AKAP8: variants seen among roughly 807,000 people sequenced by gnomAD.
AKAP8 encodes the protein A-kinase anchoring protein 8.
In AKAP8, 24 loss-of-function variants were observed where a neutral mutation model predicts 67.5. That is an observed-to-expected ratio of 0.36 (90% CI 0.26 to 0.50). AKAP8 has a LOEUF of 0.50. Among genes scored for constraint, AKAP8 ranks in the 20% least tolerant of loss-of-function variants. The pLI, the probability that AKAP8 is intolerant of heterozygous loss-of-function variation, is 0.97. For synonymous variants in AKAP8, 400 were observed against 371.1 expected (o/e 1.08, Z -0.90); for missense variants, 971 against 955.9 (o/e 1.02, Z -0.21).
chr19:15,360,228 C>A (rs1186490416), intron 12 of AKAP8, among the ~76,000 whole-genome samples: 1 of 152,130 alleles, frequency 6.6e-6, no homozygotes, highest in African/African-American at 2.4e-5. Flanking sequence ...CAGCTCTTGA[C>A]CTCCCCATTT....
rs375658740 is a variant in AKAP8 at position 15,373,228 on chromosome 19, G to A, written c.484C>T (p.Arg162Cys). 5.8e-5 allele frequency: 94 copies of A among 1,613,996 alleles called. No individual in the cohort carries two copies. The highest frequency in any genetic ancestry group is 1.3e-4 in the African/African-American group (10 of 75,062). Residue 162 changes from arginine (R) to cysteine (C), a missense_variant, in exon 5 of 14, where the codon CGC becomes TGC. Arg to Cys is a radical substitution (Grantham distance 180). This residue lies in a region of AKAP8 where 763 missense variants were observed against 745.4 expected (regional missense o/e 1.02). Transcript: ENST00000269701. ...YDYEFDLGSD[R>C]NGSFGGQYSE... ...TACTGCCCCCCAAAGCTGCCATTGC[G>A]GTCGGACCCCAGGTCGAACTCATAG...
rs187825497 is a variant in AKAP8, at chr19:15,366,191, G to T, written c.1160+2044C>A. Among the ~76,000 whole-genome samples the T allele has an allele frequency of 4.7e-4, 42 of 88,424 alleles. 1 individual carries two copies. The East Asian group carries it at 0.018, about 38-fold the overall frequency. 58.0% of individuals were successfully genotyped at this position (88,424 alleles called of 152,430 possible). ...AAGCAAAAAGTAGTAAAAAAAAAAT[G>T]TCATCTCTATACCCTTCTCCCAGTA... On this transcript the variant is annotated intron_variant, in intron 9 of 13. Coordinates refer to ENST00000269701, the MANE Select transcript of AKAP8 (RefSeq NM_005858.4).
intron 11 of AKAP8, 183 bp downstream of exon 11, chr19:15,361,546 G>GT (rs1360975601): frequency 1.9e-6 from 1 of 531,424 alleles, no homozygotes; most frequent in African/African-American, 2.0e-5. Flanking sequence ...TAGAGACGGG[G>GT]TTTCACCGTG....
intron 13 of AKAP8, among the ~76,000 whole-genome samples, chr19:15,357,061 C>T (rs1197087477): frequency 2.0e-5 from 3 of 152,056 alleles, no homozygotes; most frequent in Admixed American, 1.3e-4. Context: ...CGGATTCAAG[C>T]AATTCACTGC....
chr19:15,379,501 G>A (rs887468071), intron 1 of AKAP8: 4 of 497,966 alleles, frequency 8.0e-6, no homozygotes, highest in East Asian at 7.3e-5. Flanking sequence ...CGCCTCCTCG[G>A]GGCCTGGCGG....
At position 15,354,973 on chromosome 19, in the gene AKAP8, G is replaced by A. The variant is rs560315178; in HGVS notation, c.2021C>T (p.Ala674Val). ...QTRVAPAPAAADAEVEQTDAE... is the reference protein window; with the variant it reads ...QTRVAPAPAAVDAEVEQTDAE... Reference sequence around the variant, plus strand: ...ATCAGTTTGTTCCACTTCAGCATCCGCGGCAGCTGGGGCAGGAGCAACTCT... The same window carrying A: ...ATCAGTTTGTTCCACTTCAGCATCCACGGCAGCTGGGGCAGGAGCAACTCT... The change falls in exon 14 of 14, where the codon GCG (alanine) becomes GTG (valine). Residue 674 changes from alanine (A) to valine (V), a missense_variant. Physicochemically the swap from Ala to Val is moderately conservative, Grantham distance 64 (BLOSUM62 0). Around this residue, in one of 3 missense-constraint regions of AKAP8, gnomAD observed 204 missense variants for 193.0 expected, o/e 1.06. Transcript: ENST00000269701. The A allele has an allele frequency of 8.7e-6, 14 of 1,614,160 alleles. No homozygotes were observed. The highest frequency in any genetic ancestry group is 1.6e-4 in the Middle Eastern group (1 of 6,062).
Position 15,374,081 on chromosome 19 carries a change from G to A in AKAP8, c.92-16C>T, listed in dbSNP as rs773298242. Reference sequence around the variant, plus strand: ...TTTTCATAACCTGTCACAGGGGGAGGAGCCAAGTCAGACTTCAGCAGCCAC... The same window carrying A: ...TTTTCATAACCTGTCACAGGGGGAGAAGCCAAGTCAGACTTCAGCAGCCAC... On this transcript the variant is annotated splice_polypyrimidine_tract_variant and intron_variant, in intron 3 of 13. Coordinates refer to ENST00000269701, the MANE Select transcript of AKAP8 (RefSeq NM_005858.4). The A allele has an allele frequency of 2.6e-6, 4 of 1,533,254 alleles. No homozygotes were observed. Among genetic ancestry groups the A allele is most frequent in the East Asian group, 4.5e-5 (2 of 44,238 alleles). The allele number at this position is 1,533,254 out of a possible 1,614,324, so 95.0% of individuals were successfully genotyped here. A position where few individuals can be genotyped will look rare whatever the true frequency, so the allele number is the denominator to read the frequency against.
chr19:15,372,761 A>G, intron 5 of AKAP8, 90 bp downstream of exon 5: 2 of 1,422,094 alleles, frequency 1.4e-6, no homozygotes, highest in Middle Eastern at 1.8e-4. Flanking sequence ...AAAAACATTT[A>G]AGTGAATGTT....
At chr19:15,379,455 C>T in intron 1 of AKAP8, 2 of 457,670 alleles carry the variant, frequency 4.4e-6, no homozygotes, top group Middle Eastern at 5.6e-4. Context: ...CCCCACGAAG[C>T]CCACCGCGGC....
intron 1 of AKAP8, chr19:15,379,496 C>T (rs1259165145): frequency 2.0e-6 from 1 of 497,206 alleles, no homozygotes; most frequent in Non-Finnish European, 3.4e-6. Context: ...CCGCCCGCCT[C>T]CTCGGGGCCT....
intron 2 of AKAP8, among the ~76,000 whole-genome samples, chr19:15,376,369 G>A (rs986864642): frequency 6.6e-6 from 1 of 152,134 alleles, no homozygotes; most frequent in Non-Finnish European, 1.5e-5. Flanking sequence ...ACAAAAATTA[G>A]CTGGGCGCAG....
At chr19:15,362,469 T>C (rs545225885) in intron 9 of AKAP8, among the ~76,000 whole-genome samples, 3 of 151,184 alleles carry the variant, frequency 2.0e-5, no homozygotes, top group African/African-American at 7.3e-5. Flanking sequence ...CTGATTCTCC[T>C]GCCTCAGCCT....
chr19:15,357,525 T>C (rs1966900330), intron 13 of AKAP8, among the ~76,000 whole-genome samples: 1 of 150,878 alleles, frequency 6.6e-6, no homozygotes, highest in South Asian at 2.1e-4. Flanking sequence ...GGAGGATCTC[T>C]TGAGCTCAGG....
rs765397928 is a variant in AKAP8, at chr19:15,370,184, A to G, written c.1039-5T>C. 12 of 1,613,896 alleles carry G rather than the reference A, an allele frequency of 7.4e-6. No homozygotes were observed. The East Asian group carries it at 2.7e-4, about 36-fold the overall frequency. Reference sequence around the variant, plus strand: ...AGAGTCGCAGAGTTCATCCTCCTGGAAAAGAGTATACACAAAGTCCGGCAG... The same window carrying G: ...AGAGTCGCAGAGTTCATCCTCCTGGGAAAGAGTATACACAAAGTCCGGCAG... On this transcript the variant is annotated splice_polypyrimidine_tract_variant and splice_region_variant and intron_variant, in intron 7 of 13. Coordinates refer to ENST00000269701, the MANE Select transcript of AKAP8 (RefSeq NM_005858.4).
intron 5 of AKAP8, among the ~76,000 whole-genome samples, 178 bp from the exon 6 acceptor site, chr19:15,372,525 G>A (rs1004386540): frequency 6.6e-6 from 1 of 151,384 alleles, no homozygotes; most frequent in African/African-American, 2.4e-5. Flanking sequence ...AAGAAGCCAG[G>A]AACAAAAGGC....
At chr19:15,362,927 G>A (rs1301714295) in intron 9 of AKAP8, among the ~76,000 whole-genome samples, 6 of 150,900 alleles carry the variant, frequency 4.0e-5, no homozygotes, top group Non-Finnish European at 8.8e-5. Flanking sequence ...GCCTCTTCCC[G>A]GCCGCCATCA....
chr19:15,374,202 C>G lies in AKAP8; in HGVS notation c.92-137G>C, dbSNP rs553309910. ...ACCCAGTGCTGCTGGCATCACTTCA[C>G]ACTGCACTGTGACCTGCCAAGAGGC... On this transcript the variant is annotated intron_variant, in intron 3 of 13. Transcript: ENST00000269701. 5 of 1,070,022 alleles carry G rather than the reference C, an allele frequency of 4.7e-6. No individual in the cohort carries two copies. In the African/African-American group the frequency reaches 8.0e-5, roughly 17 times the overall value. The allele number at this position is 1,070,022 out of a possible 1,614,324, so 66.3% of individuals were successfully genotyped here. A position where few individuals can be genotyped will look rare whatever the true frequency, so the allele number is the denominator to read the frequency against.
At chr19:15,377,240 G>T (rs1967268735) in intron 1 of AKAP8, among the ~76,000 whole-genome samples, 1 of 152,086 alleles carries the variant, frequency 6.6e-6, no homozygotes, top group Non-Finnish European at 1.5e-5. Context: ...AAGTGGGCTT[G>T]GAAGTCAGCT....
At chr19:15,372,738 G>C (rs1023236648) in intron 5 of AKAP8, 113 bp downstream of exon 5, 1 of 1,342,070 alleles carries the variant, frequency 7.5e-7, no homozygotes. Flanking sequence ...ACTAAAAGTC[G>C]AACTGCGCAC....
Sources: gnomAD v4.1 joint callset for allele counts (sites outside exome capture counted in the v4.1 genomes callset) on GRCh38, gnomAD v4.1.1 for gene constraint, gnomAD v4.1.1 regional missense constraint, MANE v1.5 for transcripts, NCBI Gene and HGNC (gene_info 2026-07-23, HGNC 2026-07-21) for gene names.